The following RAP1GAP2 variants were observed in gnomAD, a reference collection of about 807,000 sequenced individuals.
The protein encoded by RAP1GAP2 is RAP1 GTPase activating protein 2.
RAP1GAP2 carries 27 observed loss-of-function variants against 95.0 expected under a neutral mutation model. That is an observed-to-expected ratio of 0.28 (90% CI 0.21 to 0.39). The LOEUF (loss-of-function observed/expected upper bound fraction) is 0.39. RAP1GAP2 is among the 10% of genes least tolerant of loss of function. RAP1GAP2 has a pLI of 1.00. For missense variants in RAP1GAP2, 771 were observed against 970.0 expected (o/e 0.79, Z 2.72); for synonymous variants, 373 against 380.9 (o/e 0.98, Z 0.24).
At chr17:2,787,357 T>G (rs1427174580) in intron 1 of RAP1GAP2, among the ~76,000 whole-genome samples, 1 of 150,460 alleles carries the variant, frequency 6.6e-6, no homozygotes, top group Non-Finnish European at 1.5e-5. Context: ...TGGGCTCAAG[T>G]GATCCTTCCA....
At chr17:2,793,674 A>G (rs78751540), upstream of RAP1GAP2, among the ~76,000 whole-genome samples, 3,299 of 152,352 alleles carry the variant, frequency 0.022, 67 homozygotes, top group African/African-American at 0.051. Flanking sequence ...GACTTTATTA[A>G]TGGAGAATGA....
At chr17:2,776,524 C>T (rs1258666594), upstream of RAP1GAP2, among the ~76,000 whole-genome samples, 1 of 152,116 alleles carries the variant, frequency 6.6e-6, no homozygotes, top group Non-Finnish European at 1.5e-5. Flanking sequence ...GCTGTACCCC[C>T]TGCCACCGCC....
In RAP1GAP2 at chr17:2,963,752, G is replaced by T; in HGVS notation, c.280-104G>T. ...TGCCTTTGGCCTCAAGTACCAGTGG[G>T]TACCAGGCCCCACTCCTGGGAGCAG... On this transcript the variant is annotated intron_variant, in intron 6 of 24. Coordinates refer to ENST00000254695, the MANE Select transcript of RAP1GAP2 (RefSeq NM_015085.5). The surrounding 1 kb of genome is among the most constrained non-coding windows in gnomAD (Gnocchi z 4.8). 1 of 1,071,158 alleles carries T rather than the reference G, an allele frequency of 9.3e-7. No individual in the cohort carries two copies. The highest frequency in any genetic ancestry group is 1.3e-6 in the Non-Finnish European group (1 of 749,686). 66.4% of individuals were successfully genotyped at this position (1,071,158 alleles called of 1,614,324 possible).
rs1206921872 is a variant in RAP1GAP2, at chr17:2,857,512, C to T, written c.81-47772C>T. Among the ~76,000 whole-genome samples the T allele has an allele frequency of 1.3e-5, 2 of 152,198 alleles. No homozygotes were observed. The highest frequency in any genetic ancestry group is 2.9e-5 in the Non-Finnish European group (2 of 68,050). On this transcript the variant is annotated intron_variant, in intron 2 of 24. Transcript: ENST00000254695. The surrounding 1 kb of genome is among the most constrained non-coding windows in gnomAD (Gnocchi z 4.0). Reference sequence around the variant, plus strand: ...GATCATCATGTTGGACTTGACCGTGCTCTACGGGAGCTGTGGGGCAGCCTG... The same window carrying T: ...GATCATCATGTTGGACTTGACCGTGTTCTACGGGAGCTGTGGGGCAGCCTG...
chr17:2,815,723 C>G (rs111240217), intron 2 of RAP1GAP2, among the ~76,000 whole-genome samples: 4,469 of 152,150 alleles, frequency 0.029, 230 homozygotes, highest in African/African-American at 0.1. Flanking sequence ...CTCAGGTGAT[C>G]CGCCCACCTT....
chr17:2,869,007 T>C (rs750212448), intron 2 of RAP1GAP2, among the ~76,000 whole-genome samples: 3 of 152,062 alleles, frequency 2.0e-5, no homozygotes, highest in Non-Finnish European at 4.4e-5. Context: ...ACAACCGTCT[T>C]CTCGCCATGT....
At chr17:3,013,367 T>C (rs1053096242) in intron 17 of RAP1GAP2, among the ~76,000 whole-genome samples, 1 of 152,164 alleles carries the variant, frequency 6.6e-6, no homozygotes, top group Non-Finnish European at 1.5e-5. Flanking sequence ...CCCCGCTGTT[T>C]TGGGGGTCCA....
intron 3 of RAP1GAP2, among the ~76,000 whole-genome samples, chr17:2,934,323 G>C (rs1209479492): frequency 6.6e-6 from 1 of 152,130 alleles, no homozygotes; most frequent in Non-Finnish European, 1.5e-5. Flanking sequence ...GTAGAGAGGG[G>C]GTTTCACCAT....
chr17:2,785,137 T>C (rs1004694481), intron 1 of RAP1GAP2, among the ~76,000 whole-genome samples: 1 of 152,168 alleles, frequency 6.6e-6, no homozygotes, highest in Non-Finnish European at 1.5e-5. Flanking sequence ...GAGCAGAGCG[T>C]TGGCAGGGGG....
intron 2 of RAP1GAP2, among the ~76,000 whole-genome samples, chr17:2,884,258 TG>T (rs934976024): frequency 6.6e-4 from 100 of 152,176 alleles, no homozygotes; most frequent in African/African-American, 2.3e-3. Flanking sequence ...TGGGGTGCAG[TG>T]GGGCTGCAGT....
intron 11 of RAP1GAP2, among the ~76,000 whole-genome samples, chr17:2,986,071 C>T (rs963337862): frequency 2.0e-5 from 3 of 152,016 alleles, no homozygotes; most frequent in African/African-American, 4.8e-5. Flanking sequence ...AGTTAATGAA[C>T]GAATAAAAAT....
intron 16 of RAP1GAP2, 100 bp downstream of exon 16, chr17:3,006,141 T>A: frequency 1.0e-6 from 1 of 983,038 alleles, no homozygotes; most frequent in South Asian, 1.5e-5. Flanking sequence ...TTTTTTTTTT[T>A]TTTGAGACAG....
intron 13 of RAP1GAP2, among the ~76,000 whole-genome samples, chr17:2,997,586 C>A (rs1339339613): frequency 6.6e-6 from 1 of 152,178 alleles, no homozygotes; most frequent in Non-Finnish European, 1.5e-5. Context: ...TAGCCTCTAC[C>A]TAACGACTTG....
In RAP1GAP2 at chr17:2,819,795, C is replaced by CTT. The variant is rs539808008; in HGVS notation, c.80+19260_80+19261dup. 1.6e-3 allele frequency among the ~76,000 whole-genome samples: 223 copies of CTT among 138,204 alleles called. 2 individuals carry two copies. The highest frequency in any genetic ancestry group is 9.6e-3 in the South Asian group (41 of 4,292). The allele number at this position is 138,204 out of a possible 152,430, so 90.7% of individuals were successfully genotyped here. ...AGATCTAGTTTCTTCTCTCTTTCTC[C>CTT]TTTTTTTTTTTTTTTTGAGACAGGA... On this transcript the variant is annotated intron_variant, in intron 2 of 24. Transcript: ENST00000254695.
intron 1 of RAP1GAP2, chr17:2,770,265 TGA>T (rs1372858131): frequency 1.8e-5 from 7 of 398,232 alleles, no homozygotes; most frequent in Non-Finnish European, 3.1e-5. Context: ...CAAGCAGGGC[TGA>T]CTCTCCCAAG....
chr17:2,997,461 T>G (rs754852959), intron 13 of RAP1GAP2, among the ~76,000 whole-genome samples: 1 of 152,134 alleles, frequency 6.6e-6, no homozygotes, highest in Non-Finnish European at 1.5e-5. Context: ...TGTTTGTATT[T>G]CTCCCAGATC....
Position 2,861,019 on chromosome 17 carries a change from A to G in RAP1GAP2, c.81-44265A>G, listed in dbSNP as rs1311150910. On this transcript the variant is annotated intron_variant, in intron 2 of 24. Coordinates refer to ENST00000254695, the MANE Select transcript of RAP1GAP2 (RefSeq NM_015085.5). ...TCGTCCTTTCCTCCTGGTGATCACC[A>G]TGATTCTGTTGCGGAGGCCTCCTTT... 2.0e-5 allele frequency among the ~76,000 whole-genome samples: 3 copies of G among 151,988 alleles called. No individual in the cohort carries two copies. The East Asian group carries it at 5.8e-4, about 29-fold the overall frequency.
At position 3,029,312 on chromosome 17, in the gene RAP1GAP2, C is replaced by T. The variant is rs1317283104; in HGVS notation, c.2108-1610C>T. 6.6e-6 allele frequency among the ~76,000 whole-genome samples: 1 copy of T among 152,130 alleles called. No individual in the cohort carries two copies. The highest frequency in any genetic ancestry group is 1.5e-5 in the Non-Finnish European group (1 of 68,028). Reference sequence around the variant, plus strand: ...TGGAGCGGGTCTGGTGACTTATGGCCGGTGCTTCCCACACCACACGGTGAG... The same window carrying T: ...TGGAGCGGGTCTGGTGACTTATGGCTGGTGCTTCCCACACCACACGGTGAG... On this transcript the variant is annotated intron_variant, in intron 22 of 24. Transcript: ENST00000254695. This position sits in a 1 kb window ranked among gnomAD's most constrained non-coding sequence, Gnocchi z 4.4.
chr17:2,832,871 T>TG lies in RAP1GAP2; in HGVS notation c.80+32327dup, dbSNP rs544014334. Among the ~76,000 whole-genome samples the TG allele has an allele frequency of 8.7e-5, 13 of 149,912 alleles. No homozygotes were observed. The South Asian group carries it at 1.5e-3, about 17-fold the overall frequency. On this transcript the variant is annotated intron_variant, in intron 2 of 24. Coordinates refer to ENST00000254695, the MANE Select transcript of RAP1GAP2 (RefSeq NM_015085.5). ...CTTGCGTGTAGTCCCAGCTACTCGGTGGGGGGCTGAGGCAGGAGACTTGCT... is the reference window on the plus strand; with the variant it reads ...CTTGCGTGTAGTCCCAGCTACTCGGTGGGGGGGCTGAGGCAGGAGACTTGCT...
Sources: allele counts gnomAD v4.1 joint callset (sites outside exome capture counted in the v4.1 genomes callset), GRCh38; gene constraint gnomAD v4.1.1; non-coding constraint Gnocchi (gnomAD v3.1); transcripts MANE v1.5; gene names NCBI Gene and HGNC (gene_info 2026-07-23, HGNC 2026-07-21).